Variants in ADAMTSL1 observed in about 807,000 individuals in gnomAD.
ADAMTSL1 encodes the protein ADAMTS-like protein 1.
ADAMTSL1 carries 126 observed loss-of-function variants against 201.8 expected under a neutral mutation model. The ratio of observed to expected loss-of-function variants is 0.62; its 90% CI spans 0.54 to 0.72. The LOEUF is 0.72. Ranked by LOEUF, ADAMTSL1 falls within the 30% of genes least tolerant of loss-of-function variation. The pLI is 0.00. For synonymous variants in ADAMTSL1, 1,121 were observed against 903.4 expected (o/e 1.24, Z -4.32); for missense variants, 2,679 against 2,277.8 (o/e 1.18, Z -3.59).
intron 2 of ADAMTSL1, among the ~76,000 whole-genome samples, chr9:18,452,001 C>T (rs892317219): frequency 5.9e-5 from 9 of 152,198 alleles, no homozygotes; most frequent in Non-Finnish European, 8.8e-5. Context: ...ACCTCTGCCT[C>T]CCAGGTTCAA....
chr9:18,269,262 AG>A (rs1190024563), intron 2 of ADAMTSL1, among the ~76,000 whole-genome samples: 1 of 152,120 alleles, frequency 6.6e-6, no homozygotes, highest in Non-Finnish European at 1.5e-5. Flanking sequence ...AACTCTTTGA[AG>A]GAAGAGGTTA....
At chr9:18,164,040 TG>T (rs1827525863) in intron 2 of ADAMTSL1, 1 of 152,080 alleles carries the variant, frequency 6.6e-6, no homozygotes, top group Non-Finnish European at 1.5e-5. Context: ...TGGCTGATTC[TG>T]ACTTGTGGTG....
At chr9:18,829,004 C>T (rs1421488965) in intron 22 of ADAMTSL1, among the ~76,000 whole-genome samples, 2 of 151,990 alleles carry the variant, frequency 1.3e-5, no homozygotes, top group East Asian at 3.9e-4. Context: ...GGGAGCTGGC[C>T]TTGGGAGTGT....
chr9:17,988,928 T>C (rs1275664381), intron 1 of ADAMTSL1, among the ~76,000 whole-genome samples: 1 of 151,896 alleles, frequency 6.6e-6, no homozygotes, highest in Non-Finnish European at 1.5e-5. Context: ...TTTCCCCCAA[T>C]TGCTCTCCCT....
intron 1 of ADAMTSL1, among the ~76,000 whole-genome samples, chr9:18,035,810 A>C (rs1468040178): frequency 2.6e-5 from 4 of 152,196 alleles, no homozygotes; most frequent in African/African-American, 9.6e-5. Flanking sequence ...ATGCTGTAGT[A>C]GTAGGTGTTA....
chr9:18,435,120 C>G (rs1819668514), intron 2 of ADAMTSL1, among the ~76,000 whole-genome samples: 1 of 152,174 alleles, frequency 6.6e-6, no homozygotes, highest in Non-Finnish European at 1.5e-5. Context: ...TAGGATTATA[C>G]AGTCTAGTAA....
At chr9:18,819,393 T>C (rs968388487) in intron 21 of ADAMTSL1, among the ~76,000 whole-genome samples, 1 of 150,656 alleles carries the variant, frequency 6.6e-6, no homozygotes, top group African/African-American at 2.4e-5. Flanking sequence ...GAAGCAGAGA[T>C]TGCAGTGAGC....
intron 2 of ADAMTSL1, among the ~76,000 whole-genome samples, chr9:18,303,371 A>T (rs534728971): frequency 6.1e-4 from 93 of 152,302 alleles, no homozygotes; most frequent in Non-Finnish European, 5.0e-4. Flanking sequence ...TCAGCCAGAG[A>T]ATGAGATAGG....
intron 23 of ADAMTSL1, among the ~76,000 whole-genome samples, chr9:18,830,592 G>A (rs1824913164): frequency 6.6e-6 from 1 of 152,160 alleles, no homozygotes. Context: ...CCCTCTGGTA[G>A]CAAGGAGTTG....
intron 1 of ADAMTSL1, among the ~76,000 whole-genome samples, chr9:18,030,703 A>T (rs1820914378): frequency 6.6e-6 from 1 of 151,954 alleles, no homozygotes. Flanking sequence ...GAGAGAATTG[A>T]CCTCTCTAGT....
chr9:18,352,283 A>G (rs1363985735), intron 2 of ADAMTSL1, among the ~76,000 whole-genome samples: 1 of 152,204 alleles, frequency 6.6e-6, no homozygotes, highest in Non-Finnish European at 1.5e-5. Flanking sequence ...ACAGGATTTC[A>G]GGTGTTACTA....
At chr9:18,106,679 C>A (rs1383137811) in intron 1 of ADAMTSL1, among the ~76,000 whole-genome samples, 3 of 152,130 alleles carry the variant, frequency 2.0e-5, no homozygotes, top group Non-Finnish European at 4.4e-5. Context: ...ATTGAAAATG[C>A]CACCCTCACC....
At chr9:18,082,064 A>C (rs1479653764) in intron 1 of ADAMTSL1, among the ~76,000 whole-genome samples, 3 of 152,228 alleles carry the variant, frequency 2.0e-5, no homozygotes, top group Non-Finnish European at 4.4e-5. Flanking sequence ...TTTCCAGTGA[A>C]GTACTTTTTT....
At chr9:18,057,301 A>G (rs1264927109) in intron 1 of ADAMTSL1, among the ~76,000 whole-genome samples, 3 of 152,228 alleles carry the variant, frequency 2.0e-5, no homozygotes, top group Admixed American at 6.5e-5. Context: ...TCCTCTAGAA[A>G]TAGACAATTA....
At chr9:18,357,953 T>G (rs1363184693) in intron 2 of ADAMTSL1, among the ~76,000 whole-genome samples, 1 of 152,134 alleles carries the variant, frequency 6.6e-6, no homozygotes, top group Non-Finnish European at 1.5e-5. Flanking sequence ...ATATTTTACT[T>G]TGTTGTTGTT....
rs189782988 is a variant in ADAMTSL1 at position 18,840,512 on chromosome 9, G to A, written c.4249+10535G>A. On this transcript the variant is annotated intron_variant, in intron 23 of 28. Transcript: ENST00000380548. Reference sequence around the variant, plus strand: ...TCTTTTGGCTTAGGGTTGACTTCGCGATGTGGGCTCTTTTTTGGTTCCATA... The same window carrying A: ...TCTTTTGGCTTAGGGTTGACTTCGCAATGTGGGCTCTTTTTTGGTTCCATA... 7.9e-5 allele frequency among the ~76,000 whole-genome samples: 12 copies of A among 152,156 alleles called. No individual in the cohort carries two copies. The East Asian group carries it at 1.2e-3, about 15-fold the overall frequency.
At chr9:18,751,691 T>G (rs1352985653) in intron 15 of ADAMTSL1, among the ~76,000 whole-genome samples, 2 of 152,182 alleles carry the variant, frequency 1.3e-5, no homozygotes, top group Non-Finnish European at 2.9e-5. Context: ...ACAGGTAGAA[T>G]AACTGTAATA....
At chr9:17,931,629 G>A (rs1287184819) in intron 1 of ADAMTSL1, among the ~76,000 whole-genome samples, 1 of 151,996 alleles carries the variant, frequency 6.6e-6, no homozygotes, top group Non-Finnish European at 1.5e-5. Flanking sequence ...TTTGCATAAG[G>A]TGCAGTCTCA....
At chr9:18,276,243 A>C (rs1832583750) in intron 2 of ADAMTSL1, among the ~76,000 whole-genome samples, 1 of 152,050 alleles carries the variant, frequency 6.6e-6, no homozygotes, top group Non-Finnish European at 1.5e-5. Flanking sequence ...TATTTTAGAA[A>C]AGAGTTCTTT....
Sources: allele counts gnomAD v4.1 joint callset (sites outside exome capture counted in the v4.1 genomes callset), GRCh38; gene constraint gnomAD v4.1.1; transcripts MANE v1.5; gene names NCBI Gene and HGNC (gene_info 2026-07-23, HGNC 2026-07-21).